Variants in DIS3L2 observed in about 807,000 individuals in gnomAD.
DIS3L2 encodes DIS3-like exonuclease 2.
Under a neutral mutation model 97.5 loss-of-function variants are expected in DIS3L2, and 34 were observed. The ratio of observed to expected loss-of-function variants is 0.35; its 90% CI spans 0.27 to 0.46. DIS3L2 has a LOEUF of 0.46. Ranked by LOEUF, DIS3L2 falls within the 20% of genes least tolerant of loss-of-function variation. The pLI, the probability that DIS3L2 is intolerant of heterozygous loss-of-function variation, is 1.00. For synonymous variants in DIS3L2, 435 were observed against 445.2 expected (o/e 0.98, Z 0.29); for missense variants, 1,038 against 1,146.0 (o/e 0.91, Z 1.36).
intron 6 of DIS3L2, among the ~76,000 whole-genome samples, chr2:232,121,460 C>T (rs893370852): frequency 8.5e-5 from 13 of 152,182 alleles, no homozygotes; most frequent in African/African-American, 2.9e-4. Flanking sequence ...GCTGTCTGTA[C>T]ACAGGTGACT....
intron 11 of DIS3L2, among the ~76,000 whole-genome samples, chr2:232,247,618 G>GTGT (rs1559173575): frequency 3.2e-5 from 1 of 31,702 alleles, no homozygotes; most frequent in African/African-American, 1.2e-4. Context: ...AACTGCCGCG[G>GTGT]GGGGGGGGGG....
intron 6 of DIS3L2, chr2:232,111,072 G>T (rs190674923): frequency 1.1e-4 from 43 of 377,432 alleles, no homozygotes; most frequent in Middle Eastern, 1.6e-3. Context: ...AATGATAGAT[G>T]TAGTTGTTAC....
chr2:232,326,831 T>A (rs148769214), intron 14 of DIS3L2, among the ~76,000 whole-genome samples: 20,123 of 137,682 alleles, frequency 0.15, 1,583 homozygotes, highest in African/African-American at 0.29. Flanking sequence ...CTCTCCTCCA[T>A]AGCCTCACCA....
At chr2:232,211,761 TAG>T (rs1266087452) in intron 10 of DIS3L2, among the ~76,000 whole-genome samples, 1 of 152,224 alleles carries the variant, frequency 6.6e-6, no homozygotes, top group African/African-American at 2.4e-5. Context: ...GGAAGCTTAG[TAG>T]ATAGAAGGCT....
intron 13 of DIS3L2, among the ~76,000 whole-genome samples, chr2:232,288,390 T>G (rs1694503531): frequency 6.6e-6 from 1 of 152,224 alleles, no homozygotes; most frequent in Admixed American, 6.5e-5. Context: ...AGGGGCTTAT[T>G]ATGAGTGCTT....
intron 1 of DIS3L2, among the ~76,000 whole-genome samples, chr2:231,995,713 T>C (rs1010567748): frequency 2.0e-5 from 3 of 152,220 alleles, no homozygotes; most frequent in Non-Finnish European, 4.4e-5. Context: ...GATTTTCTTT[T>C]CTTTCTTGAG....
At chr2:232,070,128 TC>T (rs1695969499) in intron 5 of DIS3L2, among the ~76,000 whole-genome samples, 1 of 152,320 alleles carries the variant, frequency 6.6e-6, no homozygotes, top group South Asian at 2.1e-4. Flanking sequence ...CAATAATTAT[TC>T]CTCCTGTGAA....
chr2:232,103,617 G>T (rs576682334), intron 6 of DIS3L2, among the ~76,000 whole-genome samples: 4 of 152,170 alleles, frequency 2.6e-5, no homozygotes, highest in South Asian at 4.2e-4. Flanking sequence ...CATGATTTTT[G>T]GATTTACAAT....
Position 231,974,114 on chromosome 2 carries a change from A to G in DIS3L2, c.-94+12349A>G, listed in dbSNP as rs111390084. On this transcript the variant is annotated intron_variant, in intron 1 of 20. Transcript: ENST00000325385. The stretch of plus-strand genomic sequence containing the variant: ...GATGTTACTTTTCATTATCTCAAGA[A>G]TATCTTCCTTTGAAGTCTGTGAGGG... 3.7e-3 allele frequency among the ~76,000 whole-genome samples: 570 copies of G among 152,300 alleles called. 5 individuals are homozygous for G. Among genetic ancestry groups the G allele is most frequent in the African/African-American group, 0.013 (522 of 41,548 alleles).
chr2:232,251,309 A>G (rs558572002), intron 12 of DIS3L2, among the ~76,000 whole-genome samples: 16 of 152,350 alleles, frequency 1.1e-4, no homozygotes, highest in Admixed American at 9.1e-4. Flanking sequence ...CTGTATCACA[A>G]AATCTTGATA....
intron 1 of DIS3L2, among the ~76,000 whole-genome samples, chr2:231,993,395 G>A (rs1193442388): frequency 6.6e-6 from 1 of 151,716 alleles, no homozygotes; most frequent in Non-Finnish European, 1.5e-5. Flanking sequence ...TGTATTTTTA[G>A]CAGAGACAGG....
chr2:232,285,043 G>A (rs1456308371), intron 13 of DIS3L2, among the ~76,000 whole-genome samples: 1 of 152,072 alleles, frequency 6.6e-6, no homozygotes, highest in Non-Finnish European at 1.5e-5. Context: ...TGGCTATAAG[G>A]GTCCCCAACC....
At chr2:232,029,552 A>G (rs554271268) in intron 4 of DIS3L2, among the ~76,000 whole-genome samples, 1 of 151,986 alleles carries the variant, frequency 6.6e-6, no homozygotes, top group East Asian at 1.9e-4. Context: ...GAGTGTGAAG[A>G]TCACGTGATG....
chr2:232,001,580 TGCTTTTGTTGCCTG>T (rs1438959925), intron 1 of DIS3L2, among the ~76,000 whole-genome samples: 1 of 105,772 alleles, frequency 9.5e-6, no homozygotes, highest in African/African-American at 3.0e-5. Context: ...TTTTTTTTTT[TGCTTTTGTTGCCTG>T]TGCTTTTGTA....
At chr2:232,098,403 G>C (rs993362248) in intron 6 of DIS3L2, among the ~76,000 whole-genome samples, 1 of 150,354 alleles carries the variant, frequency 6.7e-6, no homozygotes, top group African/African-American at 2.5e-5. Context: ...ACCCAGGCTG[G>C]AGTGCAGTGA....
chr2:232,101,220 G>GAA (rs71910297), intron 6 of DIS3L2, among the ~76,000 whole-genome samples: 154 of 134,806 alleles, frequency 1.1e-3, no homozygotes, highest in Non-Finnish European at 1.6e-3. Context: ...GTGATAGAGT[G>GAA]AAAAAAAAAA....
intron 14 of DIS3L2, among the ~76,000 whole-genome samples, chr2:232,316,511 A>G (rs984226572): frequency 2.0e-5 from 3 of 152,100 alleles, no homozygotes; most frequent in East Asian, 3.9e-4. Context: ...CACTCCAAGC[A>G]TGAGGCTTTG....
rs111532371 is a variant in DIS3L2 at position 232,158,427 on chromosome 2, G to C, written c.951-5032G>C. Among the ~76,000 whole-genome samples, 17 of 152,166 alleles carry C rather than the reference G, an allele frequency of 1.1e-4. 1 individual carries two copies. Among genetic ancestry groups the C allele is most frequent in the African/African-American group, 4.1e-4 (17 of 41,514 alleles). On this transcript the variant is annotated intron_variant, in intron 8 of 20. Coordinates refer to ENST00000325385, the MANE Select transcript of DIS3L2 (RefSeq NM_152383.5). ...ACTTAATGAGACCTTAAATTCAATGGTGTAATGATTCATCACCCTTTCAAT... is the reference window on the plus strand; with the variant it reads ...ACTTAATGAGACCTTAAATTCAATGCTGTAATGATTCATCACCCTTTCAAT...
intron 14 of DIS3L2, among the ~76,000 whole-genome samples, chr2:232,326,011 G>A (rs1575020385): frequency 8.8e-6 from 1 of 114,134 alleles, no homozygotes; most frequent in South Asian, 2.4e-4. Flanking sequence ...AGGATAGCTT[G>A]GGGGCGTTTC....
Sources: allele counts gnomAD v4.1 joint callset (sites outside exome capture counted in the v4.1 genomes callset), GRCh38; gene constraint gnomAD v4.1.1; transcripts MANE v1.5; gene names NCBI Gene and HGNC (gene_info 2026-07-23, HGNC 2026-07-21).